VRK2: variants seen among roughly 807,000 people sequenced by gnomAD.
The protein encoded by VRK2 is serine/threonine-protein kinase VRK2.
A neutral mutation model predicts 57.6 loss-of-function variants in VRK2; 60 were observed. The observed-to-expected ratio is 1.04, with a 90% CI of 0.85 to 1.29. VRK2 has a LOEUF of 1.29. Ranked by LOEUF, VRK2 falls within the 50% of genes most tolerant of loss-of-function variation. VRK2 has a pLI of 0.00. For synonymous variants in VRK2, 231 were observed against 199.2 expected (o/e 1.16, Z -1.35); for missense variants, 705 against 588.1 (o/e 1.20, Z -2.06).
At chr2:58,022,736 A>C (rs1202111443) in intron 1 of VRK2, among the ~76,000 whole-genome samples, 2 of 152,218 alleles carry the variant, frequency 1.3e-5, no homozygotes, top group East Asian at 3.9e-4. Context: ...TTAGCTAAGC[A>C]TGGTGGCCCT....
chr2:58,131,765 C>G (rs776751480), intron 8 of VRK2, 43 bp from the exon 9 acceptor site: 2 of 1,520,682 alleles, frequency 1.3e-6, no homozygotes, highest in African/African-American at 2.8e-5. Context: ...TTCTCAAGGA[C>G]TTGCTTATCC....
At chr2:58,135,105 A>T (rs1399348502) in intron 9 of VRK2, 36 bp from the exon 10 acceptor site, 4 of 1,610,436 alleles carry the variant, frequency 2.5e-6, no homozygotes, top group African/African-American at 1.3e-5. Context: ...CAGGGTTGAA[A>T]ACATGTTCAT....
At chr2:58,126,540 G>A (rs1678376223) in intron 8 of VRK2, among the ~76,000 whole-genome samples, 1 of 151,604 alleles carries the variant, frequency 6.6e-6, no homozygotes, top group African/African-American at 2.4e-5. Flanking sequence ...GAGATGTATC[G>A]TGATGGATGG....
chr2:57,962,592 G>A (rs888627463), intron 1 of VRK2, among the ~76,000 whole-genome samples: 3 of 151,958 alleles, frequency 2.0e-5, no homozygotes, highest in Non-Finnish European at 4.4e-5. Context: ...CCTCAAGTAG[G>A]CCCCTGTGTC....
intron 1 of VRK2, among the ~76,000 whole-genome samples, chr2:57,974,726 A>C (rs1672196234): frequency 6.6e-6 from 1 of 151,896 alleles, no homozygotes; most frequent in Non-Finnish European, 1.5e-5. Flanking sequence ...GCCAACTGTA[A>C]AACTAGAAAA....
intron 7 of VRK2, among the ~76,000 whole-genome samples, chr2:58,104,164 C>T (rs980345127): frequency 2.6e-5 from 4 of 151,766 alleles, no homozygotes; most frequent in African/African-American, 9.7e-5. Context: ...GACAAGAATG[C>T]CCACTTTTAC....
chr2:58,136,676 C>T (rs544920810), intron 10 of VRK2, among the ~76,000 whole-genome samples: 17 of 151,438 alleles, frequency 1.1e-4, no homozygotes, highest in South Asian at 6.2e-4. Flanking sequence ...TGGGCCACTG[C>T]GCCTGGCCCT....
At chr2:58,152,283 C>T (rs771378153) in intron 12 of VRK2, among the ~76,000 whole-genome samples, 1 of 151,806 alleles carries the variant, frequency 6.6e-6, no homozygotes, top group Non-Finnish European at 1.5e-5. Flanking sequence ...TATTAGACAG[C>T]GTGGCTCTAG....
intron 1 of VRK2, among the ~76,000 whole-genome samples, chr2:58,007,271 AC>A (rs935937595): frequency 3.3e-5 from 5 of 151,696 alleles, no homozygotes; most frequent in African/African-American, 1.2e-4. Flanking sequence ...ACACACTCAT[AC>A]ATATGTGTGT....
At chr2:58,028,908 ATATATATATAT>A (rs1674026998) in intron 2 of VRK2, among the ~76,000 whole-genome samples, 13 of 37,460 alleles carry the variant, frequency 3.5e-4, no homozygotes, top group Admixed American at 8.0e-4. Context: ...AAATAAATAT[ATATATATATAT>A]ATATATATAT....
intron 1 of VRK2, among the ~76,000 whole-genome samples, chr2:57,938,618 T>G (rs1558503202): frequency 6.6e-6 from 1 of 152,124 alleles, no homozygotes; most frequent in Non-Finnish European, 1.5e-5. Context: ...TACTACTAAC[T>G]TTCATGGCTT....
intron 8 of VRK2, among the ~76,000 whole-genome samples, chr2:58,128,753 A>G (rs967296988): frequency 1.3e-5 from 2 of 152,210 alleles, no homozygotes; most frequent in Non-Finnish European, 2.9e-5. Context: ...CTGAGACTCC[A>G]TATTGTTACT....
intron 1 of VRK2, among the ~76,000 whole-genome samples, chr2:58,011,871 T>G (rs972591283): frequency 9.2e-5 from 14 of 152,186 alleles, no homozygotes; most frequent in Non-Finnish European, 7.4e-5. Flanking sequence ...AACAATTTTC[T>G]GATTTTCTAA....
At chr2:57,915,760 G>A (rs1004272610) in intron 1 of VRK2, among the ~76,000 whole-genome samples, 2 of 152,192 alleles carry the variant, frequency 1.3e-5, no homozygotes, top group Non-Finnish European at 2.9e-5. Context: ...GACCAGTACC[G>A]GTTTGTGGCC....
At chr2:57,932,930 C>G (rs948390951) in intron 1 of VRK2, among the ~76,000 whole-genome samples, 1 of 151,784 alleles carries the variant, frequency 6.6e-6, no homozygotes, top group African/African-American at 2.4e-5. Flanking sequence ...CTTTTTTGAC[C>G]CTTTTGTTTT....
At chr2:58,099,076 A>G (rs533182344) in intron 7 of VRK2, among the ~76,000 whole-genome samples, 39 of 152,136 alleles carry the variant, frequency 2.6e-4, no homozygotes, top group Admixed American at 3.9e-4. Flanking sequence ...AAACAAATGT[A>G]TCCTTCTGGT....
chr2:58,145,082 G>A (rs530467139), intron 11 of VRK2, among the ~76,000 whole-genome samples: 4 of 152,000 alleles, frequency 2.6e-5, no homozygotes, highest in African/African-American at 9.6e-5. Flanking sequence ...AAAAGGTGAT[G>A]GCACTTTCAG....
At chr2:58,147,329 T>A in intron 12 of VRK2, 1 of 348,986 alleles carries the variant, frequency 2.9e-6, no homozygotes, top group Non-Finnish European at 5.8e-6. Flanking sequence ...CTAATAGCAA[T>A]CTTTTACATT....
intron 1 of VRK2, among the ~76,000 whole-genome samples, chr2:57,933,738 A>C (rs1385600556): frequency 1.3e-5 from 2 of 151,746 alleles, no homozygotes; most frequent in Admixed American, 1.3e-4. Flanking sequence ...AAAGGTATTG[A>C]TAGATCGAGA....
Sources: gnomAD v4.1 joint callset for allele counts (sites outside exome capture counted in the v4.1 genomes callset) on GRCh38, gnomAD v4.1.1 for gene constraint, MANE v1.5 for transcripts, NCBI Gene and HGNC (gene_info 2026-07-23, HGNC 2026-07-21) for gene names.